Variants in TUSC3 observed in about 807,000 individuals in gnomAD.
TUSC3 encodes tumor suppressor candidate 3, also known as dolichyl-diphosphooligosaccharide--protein glycosyltransferase subunit TUSC3.
In TUSC3, 45 loss-of-function variants were observed where a neutral mutation model predicts 44.8. The ratio of observed to expected loss-of-function variants is 1.00; its 90% confidence interval spans 0.79 to 1.29. The LOEUF is 1.29. Among genes scored for constraint, TUSC3 ranks in the 50% most tolerant of loss-of-function variants. The pLI, the probability that TUSC3 is intolerant of heterozygous loss-of-function variation, is 0.00. For synonymous variants in TUSC3, 212 were observed against 152.9 expected (o/e 1.39, Z -2.85); for missense variants, 519 against 437.9 (o/e 1.19, Z -1.65).
At chr8:15,465,124 G>C (rs1800397967) in intron 1 of TUSC3, among the ~76,000 whole-genome samples, 1 of 152,194 alleles carries the variant, frequency 6.6e-6, no homozygotes, top group African/African-American at 2.4e-5. Flanking sequence ...TGGGATTACA[G>C]GCATGAGCCA....
intron 2 of TUSC3, among the ~76,000 whole-genome samples, chr8:15,511,624 C>G (rs1161226687): frequency 6.6e-6 from 1 of 152,176 alleles, no homozygotes; most frequent in African/African-American, 2.4e-5. Flanking sequence ...AATTCCAGCA[C>G]TTTGGGAGGC....
intron 9 of TUSC3, 43 bp downstream of exon 9, chr8:15,748,508 A>G (rs1169701772): frequency 2.1e-6 from 3 of 1,444,796 alleles, no homozygotes; most frequent in African/African-American, 2.8e-5. Context: ...TTTTTAACTA[A>G]TAGAACAGAG....
At chr8:15,585,727 C>G (rs146047179) in intron 1 of TUSC3, among the ~76,000 whole-genome samples, 2 of 152,246 alleles carry the variant, frequency 1.3e-5, no homozygotes, top group Non-Finnish European at 2.9e-5. Context: ...ACCTGTGTAG[C>G]CTTTTTTACC....
chr8:15,507,088 C>T (rs992284999), intron 2 of TUSC3, among the ~76,000 whole-genome samples: 2 of 152,100 alleles, frequency 1.3e-5, no homozygotes, highest in African/African-American at 2.4e-5. Context: ...TATGTTTTTT[C>T]TCCAATTAAC....
the TUSC3 span, among the ~76,000 whole-genome samples, chr8:15,847,367 T>C: frequency 2.6e-5 from 4 of 152,322 alleles, no homozygotes; most frequent in African/African-American, 9.6e-5. Flanking sequence ...TCTCATAGCC[T>C]CTTGTGATTT....
intron 1 of TUSC3, among the ~76,000 whole-genome samples, chr8:15,447,030 A>C (rs1800114417): frequency 1.3e-5 from 2 of 152,098 alleles, no homozygotes; most frequent in Non-Finnish European, 2.9e-5. Flanking sequence ...GAGTAACTTC[A>C]ATACTGTTTC....
At position 15,510,644 on chromosome 8, in the gene TUSC3, T is replaced by C. The variant is rs141110541; in HGVS notation, n.189+27161T>C. 2.4e-3 allele frequency among the ~76,000 whole-genome samples: 359 copies of C among 152,214 alleles called. 1 individual carries two copies. The highest frequency in any genetic ancestry group is 8.5e-3 in the African/African-American group (354 of 41,544). The stretch of plus-strand genomic sequence containing the variant: ...AGGCCCAGATGGCTCTCTTGATAAA[T>C]CTGATCAAACATTTGAGGAGGAGAT... On this transcript the variant is annotated intron_variant and non_coding_transcript_variant, in intron 2 of 5. Transcript: ENST00000503191.
At chr8:15,833,987 C>A in the TUSC3 span, among the ~76,000 whole-genome samples, 1 of 152,034 alleles carries the variant, frequency 6.6e-6, no homozygotes, top group Non-Finnish European at 1.5e-5. Context: ...TATGTGCATT[C>A]AAATTTATTT....
chr8:15,758,120 T>C (rs1442949087), intron 10 of TUSC3: 7 of 1,193,346 alleles, frequency 5.9e-6, no homozygotes, highest in Non-Finnish European at 7.3e-6. Context: ...CCAACAAATA[T>C]ACTTTCTTAA....
At chr8:15,763,703 T>A (rs1460827994) in intron 10 of TUSC3, among the ~76,000 whole-genome samples, 1 of 152,122 alleles carries the variant, frequency 6.6e-6, no homozygotes, top group Non-Finnish European at 1.5e-5. Context: ...GTATCTCTGC[T>A]GATGTTTCAT....
At chr8:15,815,377 G>T in the TUSC3 span, among the ~76,000 whole-genome samples, 1 of 152,024 alleles carries the variant, frequency 6.6e-6, no homozygotes, top group African/African-American at 2.4e-5. Flanking sequence ...AGTCCCTGGG[G>T]AATATAATAA....
Position 15,651,289 on chromosome 8 carries a change from A to G in TUSC3, c.426+475A>G, listed in dbSNP as rs978177205. Among the ~76,000 whole-genome samples the G allele has an allele frequency of 4.6e-5, 7 of 152,206 alleles. No individual in the cohort carries two copies. In the East Asian group the frequency reaches 9.6e-4, roughly 21 times the overall value. On this transcript the variant is annotated intron_variant, in intron 3 of 10. Transcript: ENST00000503731. ...ATTTTGCACAGATTTGTGACATTTT[A>G]TATAAAATTTATTGCAAGTTTTACT...
In TUSC3 at chr8:15,567,888, TG is replaced by T. The variant is rs1231096097; in HGVS notation, c.138+27323del. Among the ~76,000 whole-genome samples, 4 of 152,196 alleles carry T rather than the reference TG, an allele frequency of 2.6e-5. No individual in the cohort carries two copies. In the East Asian group the frequency reaches 7.7e-4, roughly 29 times the overall value. On this transcript the variant is annotated intron_variant, in intron 1 of 10. Coordinates refer to ENST00000503731, the MANE Select transcript of TUSC3 (RefSeq NM_006765.4). ...CTAAGATGAATGCCATGTTTGCATT[TG>T]GGTTGTTGGTAATGAAAGACACATT...
intron 3 of TUSC3, among the ~76,000 whole-genome samples, chr8:15,658,013 C>G (rs1807251852): frequency 6.6e-6 from 1 of 152,136 alleles, no homozygotes; most frequent in Non-Finnish European, 1.5e-5. Context: ...AGCACTCATC[C>G]CACCCATGAG....
intron 2 of TUSC3, among the ~76,000 whole-genome samples, chr8:15,500,884 C>G (rs1585067334): frequency 6.6e-6 from 1 of 152,126 alleles, no homozygotes; most frequent in Non-Finnish European, 1.5e-5. Context: ...TAGCCTTGGC[C>G]TTTTTAACCT....
At chr8:15,686,519 A>G (rs1325603348) in intron 6 of TUSC3, among the ~76,000 whole-genome samples, 1 of 151,972 alleles carries the variant, frequency 6.6e-6, no homozygotes, top group Non-Finnish European at 1.5e-5. Flanking sequence ...TTAGGCAGCC[A>G]TACCATATTG....
the TUSC3 span, among the ~76,000 whole-genome samples, chr8:15,848,812 T>A: frequency 6.6e-6 from 1 of 152,192 alleles, no homozygotes; most frequent in Non-Finnish European, 1.5e-5. Context: ...TGGGACCAAC[T>A]TTTACATTCC....
intron 5 of TUSC3, among the ~76,000 whole-genome samples, chr8:15,670,778 T>G (rs1037603299): frequency 1.3e-5 from 2 of 151,888 alleles, no homozygotes; most frequent in East Asian, 3.9e-4. Flanking sequence ...GTGAGGACTA[T>G]TTGCCATGTG....
At chr8:15,541,601 G>T (rs1374402097) in intron 1 of TUSC3, among the ~76,000 whole-genome samples, 1 of 151,976 alleles carries the variant, frequency 6.6e-6, no homozygotes, top group Non-Finnish European at 1.5e-5. Context: ...AACAAATATT[G>T]TGTGTTCAAT....
Sources: gnomAD v4.1 joint callset for allele counts (sites outside exome capture counted in the v4.1 genomes callset) on GRCh38, gnomAD v4.1.1 for gene constraint, MANE v1.5 for transcripts, NCBI Gene and HGNC (gene_info 2026-07-23, HGNC 2026-07-21) for gene names.